The following NANOS3 variants were observed in gnomAD, a reference collection of about 807,000 sequenced individuals.
NANOS3 encodes nanos C2HC-type zinc finger 3.
NANOS3 carries 11 observed loss-of-function variants against 13.8 expected under a neutral mutation model. The observed-to-expected ratio is 0.80, with a 90% CI of 0.50 to 1.32. The LOEUF (loss-of-function observed/expected upper bound fraction) is 1.32. Among genes scored for constraint, NANOS3 ranks in the 40% most tolerant of loss-of-function variants. The pLI is 0.00. For synonymous variants in NANOS3, 119 were observed against 115.4 expected, an observed-to-expected ratio of 1.03 and a Z score of -0.20; for missense variants, 221 against 263.8, an observed-to-expected ratio of 0.84 and a Z score of 1.12.
At chr19:13,863,500 G>C (rs1311129453), upstream of NANOS3, among the ~76,000 whole-genome samples, 2 of 152,130 alleles carry the variant, frequency 1.3e-5, no homozygotes, top group African/African-American at 4.8e-5. Flanking sequence ...TTACAGGCTT[G>C]AGCCACTGTG....
At chr19:13,879,202 G>A (rs928172266) in intron 1 of NANOS3, among the ~76,000 whole-genome samples, 18 of 149,690 alleles carry the variant, frequency 1.2e-4, no homozygotes, top group Admixed American at 1.1e-3. Context: ...GCCTCCCGAA[G>A]TGCTGATATT....
At chr19:13,864,695 C>G (rs1010014999), upstream of NANOS3, among the ~76,000 whole-genome samples, 1 of 151,964 alleles carries the variant, frequency 6.6e-6, no homozygotes, top group Non-Finnish European at 1.5e-5. Flanking sequence ...GTCCGTGTGT[C>G]TTGTGTGAGC....
upstream of NANOS3, among the ~76,000 whole-genome samples, chr19:13,873,912 G>A (rs1369859866): frequency 6.6e-6 from 1 of 151,506 alleles, no homozygotes; most frequent in Non-Finnish European, 1.5e-5. Context: ...ACCCGGGGCG[G>A]GGGGGTGGTC....
upstream of NANOS3, among the ~76,000 whole-genome samples, chr19:13,873,948 G>C (rs1376321359): frequency 2.0e-5 from 3 of 152,222 alleles, no homozygotes; most frequent in Admixed American, 1.3e-4. Flanking sequence ...ATCACTGGAG[G>C]AAGGGACTGG....
At chr19:13,874,615 A>G (rs1357785198), upstream of NANOS3, 3 of 463,816 alleles carry the variant, frequency 6.5e-6, no homozygotes, top group Non-Finnish European at 1.4e-5. Flanking sequence ...TTCATGAGAG[A>G]AAAGGGGTTC....
chr19:13,880,188 C>T (rs1283615814), intron 1 of NANOS3, among the ~76,000 whole-genome samples: 3 of 152,128 alleles, frequency 2.0e-5, no homozygotes, highest in Admixed American at 6.6e-5. Flanking sequence ...GTAACAGATC[C>T]GGGGACCCCA....
intron 1 of NANOS3, among the ~76,000 whole-genome samples, chr19:13,868,587 G>T (rs1225161559): frequency 1.3e-5 from 2 of 151,668 alleles, no homozygotes; most frequent in Admixed American, 1.3e-4. Flanking sequence ...AGGCTGAGGC[G>T]GGAGGATCGC....
intron 1 of NANOS3, among the ~76,000 whole-genome samples, chr19:13,868,010 T>A (rs1000989621): frequency 6.6e-6 from 1 of 151,574 alleles, no homozygotes; most frequent in African/African-American, 2.4e-5. Context: ...GCAGAAATCC[T>A]GTCATCTGGA....
chr19:13,871,020 T>C (rs1976319801), intron 1 of NANOS3, among the ~76,000 whole-genome samples: 1 of 151,746 alleles, frequency 6.6e-6, no homozygotes, highest in African/African-American at 2.4e-5. Context: ...ATGAAGGCCC[T>C]GAAAGACACC....
At chr19:13,868,898 CACAA>C (rs1976282744) in intron 1 of NANOS3, among the ~76,000 whole-genome samples, 1 of 152,042 alleles carries the variant, frequency 6.6e-6, no homozygotes, top group African/African-American at 2.4e-5. Context: ...GACATCCACA[CACAA>C]ACAGAAGCCC....
At chr19:13,863,508 G>A (rs1383171311), upstream of NANOS3, among the ~76,000 whole-genome samples, 2 of 152,048 alleles carry the variant, frequency 1.3e-5, no homozygotes, top group African/African-American at 4.8e-5. Flanking sequence ...TTGAGCCACT[G>A]TGCCCGGCCC....
upstream of NANOS3, among the ~76,000 whole-genome samples, chr19:13,873,653 A>G (rs1398274759): frequency 6.6e-6 from 1 of 151,860 alleles, no homozygotes; most frequent in Non-Finnish European, 1.5e-5. Flanking sequence ...ATTTTTTTGT[A>G]GGGACAGGTA....
Position 13,877,611 on chromosome 19 carries a change from C to T in NANOS3, c.363C>T (p.Arg121=), listed in dbSNP as rs755366519. 7.4e-6 allele frequency: 12 copies of T among 1,611,896 alleles called. No homozygotes were observed. The highest frequency in any genetic ancestry group is 5.3e-5 in the African/African-American group (4 of 74,944). Residue 121 remains arginine, a synonymous_variant, in exon 1 of 2, where the codon CGC becomes CGT. Coordinates refer to ENST00000339133, the MANE Select transcript of NANOS3 (RefSeq NM_001098622.3). The stretch of plus-strand genomic sequence containing the variant: ...CCCAGTGCGGCGCCACACGTGAGCG[C>T]GCCCACACCCGACGCTTCTGCCCAC... ...VCPQCGATRE[R]AHTRRFCPLT...
At position 13,880,556 on chromosome 19, in the gene NANOS3, A is replaced by G; in HGVS notation, c.*53A>G. ...CCCGGGCTCGGCTGGATTTCCAGGA[A>G]GACCCACCCTATGACGACTGCCCCC... On this transcript the variant is annotated 3_prime_UTR_variant, in exon 2 of 2. Coordinates refer to ENST00000339133, the MANE Select transcript of NANOS3 (RefSeq NM_001098622.3). 6.5e-7 allele frequency: 1 copy of G among 1,527,778 alleles called. No homozygotes were observed. 94.6% of individuals were successfully genotyped at this position (1,527,778 alleles called of 1,614,324 possible).
upstream of NANOS3, among the ~76,000 whole-genome samples, chr19:13,876,617 C>T (rs1968518886): frequency 6.6e-6 from 1 of 152,264 alleles, no homozygotes; most frequent in Non-Finnish European, 1.5e-5. Flanking sequence ...CCCCCTACCC[C>T]CGCAACCAGC....
chr19:13,865,617 G>T (rs977873398), intron 1 of NANOS3, among the ~76,000 whole-genome samples: 4 of 149,946 alleles, frequency 2.7e-5, no homozygotes, highest in Admixed American at 2.0e-4. Flanking sequence ...GGCTTGGAAG[G>T]GGGGCGGGGA....
At position 13,867,291 on chromosome 19, in the gene NANOS3, C is replaced by T. The variant is rs375726710; in HGVS notation, n.21+1854C>T. ...ACAGGGTCTCACTCTGCTGCCTAGG[C>T]TGGAGTGCAGTGGCACGATCTAGGC... On this transcript the variant is annotated intron_variant and non_coding_transcript_variant, in intron 1 of 2. Coordinates refer to the NANOS3 transcript ENST00000591161. Among the ~76,000 whole-genome samples, 62 of 152,124 alleles carry T rather than the reference C, an allele frequency of 4.1e-4. 2 individuals are homozygous for T. The highest frequency in any genetic ancestry group is 1.5e-3 in the African/African-American group (61 of 41,516).
At chr19:13,867,341 A>G (rs1262238024) in intron 1 of NANOS3, among the ~76,000 whole-genome samples, 1 of 146,322 alleles carries the variant, frequency 6.8e-6, no homozygotes, top group Non-Finnish European at 1.5e-5. Context: ...GCTCACTGCA[A>G]TCTAGGCCCA....
intron 1 of NANOS3, among the ~76,000 whole-genome samples, chr19:13,869,949 C>T (rs964140072): frequency 6.6e-6 from 1 of 152,102 alleles, no homozygotes; most frequent in Non-Finnish European, 1.5e-5. Context: ...TGAGGGACTT[C>T]ACAGTCAAGA....
Sources: allele counts gnomAD v4.1 joint callset (sites outside exome capture counted in the v4.1 genomes callset), GRCh38; gene constraint gnomAD v4.1.1; transcripts MANE v1.5; gene names NCBI Gene and HGNC (gene_info 2026-07-23, HGNC 2026-07-21).